MAN1A1: variants seen among roughly 807,000 people sequenced by gnomAD.
MAN1A1 encodes the protein mannosidase alpha class 1A member 1, also known as mannosyl-oligosaccharide 1,2-alpha-mannosidase IA.
MAN1A1 carries 29 observed loss-of-function variants against 70.8 expected under a neutral mutation model. The observed-to-expected ratio is 0.41, with a 90% CI of 0.31 to 0.56. MAN1A1 has a LOEUF of 0.56. Among genes scored for constraint, MAN1A1 ranks in the 20% least tolerant of loss-of-function variants. The pLI is 0.29. For synonymous variants in MAN1A1, 349 were observed against 330.1 expected, an observed-to-expected ratio of 1.06 and a Z score of -0.62; for missense variants, 747 against 841.3, an observed-to-expected ratio of 0.89 and a Z score of 1.39.
chr6:119,305,901 A>G (rs1436568343), intron 3 of MAN1A1, among the ~76,000 whole-genome samples: 1 of 152,190 alleles, frequency 6.6e-6, no homozygotes, highest in Non-Finnish European at 1.5e-5. Flanking sequence ...ATGGACTCTA[A>G]TGTTAGCCAC....
At chr6:119,264,024 G>A (rs11153802) in intron 5 of MAN1A1, among the ~76,000 whole-genome samples, 63,230 of 152,020 alleles carry the variant, frequency 0.42, 13,694 homozygotes, top group East Asian at 0.67. Flanking sequence ...GCCAAATCAT[G>A]AGGTCTATTT....
At chr6:119,314,493 GTAT>G (rs749968197) in intron 2 of MAN1A1, among the ~76,000 whole-genome samples, 3 of 152,166 alleles carry the variant, frequency 2.0e-5, no homozygotes, top group Non-Finnish European at 4.4e-5. Context: ...CCTCTCTGGG[GTAT>G]TATTATCCCT....
At position 119,210,728 on chromosome 6, in the gene MAN1A1, T is replaced by C. The variant is rs117314419; in HGVS notation, c.993-5846A>G. ...ATCATTTCTTTTTAAAGCTAACTTA[T>C]GTTCAGACAAAAATGTCTACAAAGA... On this transcript the variant is annotated intron_variant, in intron 6 of 12. Transcript: ENST00000368468. 2.2e-3 allele frequency among the ~76,000 whole-genome samples: 336 copies of C among 152,268 alleles called. 4 individuals carry two copies. The East Asian group carries it at 0.041, about 19-fold the overall frequency.
At chr6:119,309,070 G>A (rs1182230718) in intron 2 of MAN1A1, among the ~76,000 whole-genome samples, 1 of 152,146 alleles carries the variant, frequency 6.6e-6, no homozygotes, top group Non-Finnish European at 1.5e-5. Flanking sequence ...GATCCCATGG[G>A]ATTTCTATGA....
At chr6:119,342,586 C>G (rs1773625843) in intron 2 of MAN1A1, among the ~76,000 whole-genome samples, 1 of 152,116 alleles carries the variant, frequency 6.6e-6, no homozygotes, top group Non-Finnish European at 1.5e-5. Context: ...AGATTCAGAC[C>G]CACGTTATCT....
intron 6 of MAN1A1, among the ~76,000 whole-genome samples, chr6:119,239,715 G>A (rs1032958009): frequency 5.9e-5 from 9 of 152,170 alleles, no homozygotes; most frequent in South Asian, 2.1e-4. Context: ...CAATAACAAC[G>A]TAAGACCAGT....
chr6:119,241,190 C>T (rs1188975820), intron 6 of MAN1A1, among the ~76,000 whole-genome samples: 1 of 152,142 alleles, frequency 6.6e-6, no homozygotes, highest in East Asian at 1.9e-4. Context: ...CATGCAAACT[C>T]TGTTTGGGTA....
At chr6:119,195,711 C>T (rs796739777) in intron 8 of MAN1A1, among the ~76,000 whole-genome samples, 1 of 152,276 alleles carries the variant, frequency 6.6e-6, no homozygotes, top group African/African-American at 2.4e-5. Flanking sequence ...ACGAACAAAG[C>T]AAAATTCTTC....
At chr6:119,192,201 G>C (rs1773460083) in intron 9 of MAN1A1, among the ~76,000 whole-genome samples, 1 of 152,024 alleles carries the variant, frequency 6.6e-6, no homozygotes, top group Non-Finnish European at 1.5e-5. Context: ...TTTAAGATTA[G>C]AATAATTAAA....
intron 2 of MAN1A1, among the ~76,000 whole-genome samples, chr6:119,336,232 G>A (rs1489021900): frequency 6.6e-6 from 1 of 152,110 alleles, no homozygotes; most frequent in Admixed American, 6.6e-5. Flanking sequence ...ACCACACCTG[G>A]CTAGTTTTTG....
intron 3 of MAN1A1, among the ~76,000 whole-genome samples, chr6:119,302,782 T>C (rs6902889): frequency 0.38 from 57,451 of 151,956 alleles, 11,336 homozygotes; most frequent in Non-Finnish European, 0.41. Flanking sequence ...GTGCAAAACT[T>C]TAAATATAAT....
intron 2 of MAN1A1, among the ~76,000 whole-genome samples, chr6:119,320,481 T>C (rs1336089965): frequency 6.6e-6 from 1 of 152,216 alleles, no homozygotes; most frequent in African/African-American, 2.4e-5. Flanking sequence ...TTTCATATTA[T>C]TTGGCAGCTG....
intron 2 of MAN1A1, among the ~76,000 whole-genome samples, chr6:119,330,516 C>T (rs1773279912): frequency 6.6e-6 from 1 of 152,152 alleles, no homozygotes; most frequent in Non-Finnish European, 1.5e-5. Flanking sequence ...TCATCTCTCA[C>T]CTGGATTACT....
chr6:119,308,350 A>G (rs914621656), intron 2 of MAN1A1, among the ~76,000 whole-genome samples: 1 of 152,198 alleles, frequency 6.6e-6, no homozygotes, highest in African/African-American at 2.4e-5. Flanking sequence ...TCAACAATCA[A>G]AAGAATGTGT....
intron 6 of MAN1A1, among the ~76,000 whole-genome samples, chr6:119,217,343 C>T (rs1048778265): frequency 6.6e-6 from 1 of 151,930 alleles, no homozygotes; most frequent in Non-Finnish European, 1.5e-5. Flanking sequence ...GTGCAGTGGC[C>T]CAGTTTCGGC....
At chr6:119,243,190 A>G (rs7356885) in intron 6 of MAN1A1, among the ~76,000 whole-genome samples, 2,295 of 152,190 alleles carry the variant, frequency 0.015, 73 homozygotes, top group African/African-American at 0.053. Context: ...AGGATAATTA[A>G]GCAATATTTT....
intron 2 of MAN1A1, among the ~76,000 whole-genome samples, chr6:119,339,514 C>G (rs955991704): frequency 6.6e-6 from 1 of 151,840 alleles, no homozygotes; most frequent in Non-Finnish European, 1.5e-5. Flanking sequence ...AACCCGGCGT[C>G]GGGGGGTGGG....
At position 119,301,999 on chromosome 6, in the gene MAN1A1, C is replaced by G. The variant is rs748472713; in HGVS notation, c.805G>C (p.Asp269His). ...CTTATTTAACTTACCACATTAAAAT[C>G]TAAATTTTCTTCAACCCATGATTTT... ...EAKSWVEENL[D>H]FNVNAEISVF... Residue 269 changes from aspartate (D) to histidine (H), a missense_variant, in exon 4 of 13, where the codon GAT becomes CAT. Coordinates refer to ENST00000368468, the MANE Select transcript of MAN1A1 (RefSeq NM_005907.4). 6.4e-7 allele frequency: 1 copy of G among 1,552,482 alleles called. No homozygotes were observed. The highest frequency in any genetic ancestry group is 8.9e-7 in the Non-Finnish European group (1 of 1,126,500).
At chr6:119,307,588 CAT>C (rs138447780) in intron 2 of MAN1A1, among the ~76,000 whole-genome samples, 278 of 152,274 alleles carry the variant, frequency 1.8e-3, no homozygotes, top group East Asian at 6.5e-3. Flanking sequence ...TAATTGGATA[CAT>C]GTGTGTATAT....
Sources: allele counts gnomAD v4.1 joint callset (sites outside exome capture counted in the v4.1 genomes callset), GRCh38; gene constraint gnomAD v4.1.1; transcripts MANE v1.5; gene names NCBI Gene and HGNC (gene_info 2026-07-23, HGNC 2026-07-21).